TMEM132B: variants seen among roughly 807,000 people sequenced by gnomAD.
The protein encoded by TMEM132B is transmembrane protein 132B.
TMEM132B carries 18 observed loss-of-function variants against 90.8 expected under a neutral mutation model. The ratio of observed to expected loss-of-function variants is 0.20; its 90% CI spans 0.14 to 0.29. The LOEUF (loss-of-function observed/expected upper bound fraction) is 0.29, where lower values mean the gene tolerates loss of function less well. TMEM132B is among the 10% of genes least tolerant of loss of function. The pLI is 1.00. For synonymous variants in TMEM132B, 504 were observed against 523.3 expected (o/e 0.96, Z 0.50); for missense variants, 1,096 against 1,326.8 (o/e 0.83, Z 2.70).
intron 2 of TMEM132B, among the ~76,000 whole-genome samples, chr12:125,371,696 G>A (rs1878297128): frequency 6.6e-6 from 1 of 152,168 alleles, no homozygotes; most frequent in Non-Finnish European, 1.5e-5. Flanking sequence ...AGTTTGTCTG[G>A]TTGACATTTT....
At chr12:125,628,214 A>G (rs1886278837) in intron 5 of TMEM132B, among the ~76,000 whole-genome samples, 1 of 152,142 alleles carries the variant, frequency 6.6e-6, no homozygotes, top group African/African-American at 2.4e-5. Flanking sequence ...TAGGATTTAG[A>G]GGAACTTCCA....
rs1882063980 is a variant in TMEM132B, at chr12:125,482,258, T to A, written c.1107-37181T>A. ...CAAAAGCCAAAATAGACAAATGTGA[T>A]CTAATTAAACTAAAGAGCTTCTGCA... On this transcript the variant is annotated intron_variant, in intron 3 of 8. Coordinates refer to ENST00000682704, the MANE Select transcript of TMEM132B (RefSeq NM_001366854.1). Among the ~76,000 whole-genome samples the A allele has an allele frequency of 1.3e-5, 2 of 152,166 alleles. 1 individual carries two copies. Among genetic ancestry groups the A allele is most frequent in the South Asian group, 4.1e-4 (2 of 4,830 alleles).
chr12:125,598,797 A>G (rs1304329722), intron 5 of TMEM132B, among the ~76,000 whole-genome samples: 1 of 152,078 alleles, frequency 6.6e-6, no homozygotes, highest in Admixed American at 6.6e-5. Flanking sequence ...ACTCCTGGTT[A>G]TGAGTGCTGA....
chr12:125,542,944 A>G (rs1883992964), intron 4 of TMEM132B, among the ~76,000 whole-genome samples: 1 of 152,208 alleles, frequency 6.6e-6, no homozygotes, highest in South Asian at 2.1e-4. Flanking sequence ...GATGGCCTCC[A>G]TTCTGATGAT....
intron 4 of TMEM132B, among the ~76,000 whole-genome samples, chr12:125,536,825 G>A (rs1016253138): frequency 6.6e-6 from 1 of 151,080 alleles, no homozygotes; most frequent in African/African-American, 2.4e-5. Flanking sequence ...CTTTGCAGCT[G>A]TCATTAGGTT....
chr12:125,511,240 T>C (rs1882969717), intron 3 of TMEM132B, among the ~76,000 whole-genome samples: 1 of 152,226 alleles, frequency 6.6e-6, no homozygotes, highest in Admixed American at 6.5e-5. Context: ...TAATTCTTTT[T>C]ATGGCAAAAT....
chr12:125,211,428 C>A (rs1191768249), intron 1 of TMEM132B, among the ~76,000 whole-genome samples: 2 of 152,218 alleles, frequency 1.3e-5, no homozygotes, highest in Non-Finnish European at 2.9e-5. Context: ...CCAAAGTCAG[C>A]CTCCAACCCT....
intron 3 of TMEM132B, among the ~76,000 whole-genome samples, chr12:125,456,497 G>A (rs1416307405): frequency 2.6e-5 from 4 of 152,208 alleles, no homozygotes; most frequent in South Asian, 2.1e-4. Context: ...TCTGGGAGCC[G>A]GGATCTAGGG....
intron 3 of TMEM132B, among the ~76,000 whole-genome samples, chr12:125,417,602 C>T (rs10846885): frequency 0.16 from 24,390 of 152,108 alleles, 2,280 homozygotes; most frequent in South Asian, 0.34. Context: ...GGGTTTGTGT[C>T]CCTGCAGGTA....
chr12:125,330,299 C>G (rs554070218), intron 1 of TMEM132B, among the ~76,000 whole-genome samples: 17 of 151,316 alleles, frequency 1.1e-4, no homozygotes, highest in South Asian at 8.3e-4. Flanking sequence ...AGAATCTGGT[C>G]CCATAGAGTA....
At chr12:125,604,121 A>G (rs554977869) in intron 5 of TMEM132B, among the ~76,000 whole-genome samples, 1 of 151,382 alleles carries the variant, frequency 6.6e-6, no homozygotes, top group South Asian at 2.1e-4. Flanking sequence ...AATGTAAATC[A>G]TTCTACTATA....
chr12:125,271,986 A>G (rs1390579333), intron 1 of TMEM132B, among the ~76,000 whole-genome samples: 3 of 152,210 alleles, frequency 2.0e-5, no homozygotes, highest in Non-Finnish European at 4.4e-5. Context: ...GACAATGAAA[A>G]CAAAGCAATG....
At chr12:125,569,265 T>C (rs2136823277) in intron 4 of TMEM132B, among the ~76,000 whole-genome samples, 1 of 152,146 alleles carries the variant, frequency 6.6e-6, no homozygotes, top group Admixed American at 6.5e-5. Flanking sequence ...CATCTTCCTA[T>C]CCCCAGGAAG....
At position 125,661,609 on chromosome 12, in the gene TMEM132B, C is replaced by T. The variant is rs1887207483; in HGVS notation, c.*6899C>T. The T allele has an allele frequency of 6.6e-6, 1 of 152,206 alleles. No homozygotes were observed. The highest frequency in any genetic ancestry group is 1.5e-5 in the Non-Finnish European group (1 of 68,058). The allele number at this position is 152,206 out of a possible 1,614,324, so 9.4% of individuals were successfully genotyped here. ...TGTGACCCTTATTTTGGACTTCTAG[C>T]AAGGGCATTCAGTGTGGATTCCAAG... On this transcript the variant is annotated 3_prime_UTR_variant, in exon 9 of 9. Coordinates refer to ENST00000682704, the MANE Select transcript of TMEM132B (RefSeq NM_001366854.1).
intron 5 of TMEM132B, among the ~76,000 whole-genome samples, chr12:125,642,069 C>A (rs750838519): frequency 1.1e-4 from 16 of 152,174 alleles, no homozygotes; most frequent in Admixed American, 2.0e-4. Context: ...GCAGAACAAG[C>A]AGTGAGTTCA....
At chr12:125,199,540 G>A (rs552017231) in intron 1 of TMEM132B, among the ~76,000 whole-genome samples, 2 of 152,296 alleles carry the variant, frequency 1.3e-5, no homozygotes, top group Admixed American at 1.3e-4. Flanking sequence ...AGGAAGCCTA[G>A]ATTTGATGTA....
At chr12:125,570,119 A>T (rs1207096895) in intron 4 of TMEM132B, among the ~76,000 whole-genome samples, 1 of 152,202 alleles carries the variant, frequency 6.6e-6, no homozygotes, top group Non-Finnish European at 1.5e-5. Context: ...CCCGGGCAGT[A>T]TGCGAGCCAA....
At chr12:125,240,965 A>G (rs1023371992) in intron 1 of TMEM132B, among the ~76,000 whole-genome samples, 7 of 152,234 alleles carry the variant, frequency 4.6e-5, no homozygotes, top group African/African-American at 1.4e-4. Context: ...GAAAGTCTCC[A>G]GTGCCCCAGA....
At chr12:125,504,672 C>CA (rs1287179753) in intron 3 of TMEM132B, among the ~76,000 whole-genome samples, 1 of 151,822 alleles carries the variant, frequency 6.6e-6, no homozygotes, top group Non-Finnish European at 1.5e-5. Context: ...GGAGAAAATG[C>CA]AAAAAACAGC....
Sources: allele counts gnomAD v4.1 joint callset (sites outside exome capture counted in the v4.1 genomes callset), GRCh38; gene constraint gnomAD v4.1.1; transcripts MANE v1.5; gene names NCBI Gene and HGNC (gene_info 2026-07-23, HGNC 2026-07-21).